GCNT1: variants seen among roughly 807,000 people sequenced by gnomAD.
The protein encoded by GCNT1 is glucosaminyl (N-acetyl) transferase 1, also known as beta-1,3-galactosyl-O-glycosyl-glycoprotein beta-1,6-N-acetylglucosaminyltransferase.
In GCNT1, 16 loss-of-function variants were observed where a neutral mutation model predicts 26.2. The ratio of observed to expected loss-of-function variants is 0.61; its 90% CI spans 0.41 to 0.93. The LOEUF (loss-of-function observed/expected upper bound fraction) is 0.93, where lower values mean the gene tolerates loss of function less well. Among genes scored for constraint, GCNT1 ranks in the 40% least tolerant of loss-of-function variants. The pLI, the probability that GCNT1 is intolerant of heterozygous loss-of-function variation, is 0.00. For synonymous variants in GCNT1, 183 were observed against 190.8 expected, an observed-to-expected ratio of 0.96 and a Z score of 0.34; for missense variants, 477 against 526.7, an observed-to-expected ratio of 0.91 and a Z score of 0.92.
chr9:76,408,037 T>G, the GCNT1 span, among the ~76,000 whole-genome samples: 1 of 152,192 alleles, frequency 6.6e-6, no homozygotes, highest in Non-Finnish European at 1.5e-5. Flanking sequence ...TGGTTTATTC[T>G]TATGGATTTT....
chr9:76,496,523 G>T (rs1824910607), intron 2 of GCNT1, among the ~76,000 whole-genome samples: 1 of 151,918 alleles, frequency 6.6e-6, no homozygotes. Flanking sequence ...AGGTCATTTT[G>T]TCCATCTTCC....
the GCNT1 span, chr9:76,398,695 C>A: frequency 1.0e-5 from 13 of 1,252,568 alleles, no homozygotes; most frequent in Admixed American, 2.0e-4. Context: ...GGGAAACTTT[C>A]ACAATGTCCG....
intron 1 of GCNT1, among the ~76,000 whole-genome samples, chr9:76,422,489 A>G (rs907864192): frequency 6.6e-6 from 1 of 152,196 alleles, no homozygotes; most frequent in Non-Finnish European, 1.5e-5. Context: ...ATATGCATTC[A>G]GTAGAAACCA....
chr9:76,464,672 A>G (rs1457103642), intron 2 of GCNT1, among the ~76,000 whole-genome samples: 1 of 151,472 alleles, frequency 6.6e-6, no homozygotes, highest in African/African-American at 2.4e-5. Context: ...CAGCCTCTCA[A>G]GTAGTTGAGA....
intron 2 of GCNT1, among the ~76,000 whole-genome samples, chr9:76,467,869 C>G (rs1003904457): frequency 2.2e-5 from 3 of 138,308 alleles, no homozygotes; most frequent in African/African-American, 8.0e-5. Context: ...CATTTAAGGT[C>G]AAGAATGCCA....
chr9:76,438,297 C>G (rs977848821), upstream of GCNT1, among the ~76,000 whole-genome samples: 7 of 152,058 alleles, frequency 4.6e-5, no homozygotes. Flanking sequence ...GCTTCCAGGT[C>G]ATAGGTAGAT....
At chr9:76,433,368 T>A (rs1323046872) in intron 1 of GCNT1, among the ~76,000 whole-genome samples, 2 of 152,234 alleles carry the variant, frequency 1.3e-5, no homozygotes, top group African/African-American at 4.8e-5. Flanking sequence ...GTGGAGGAAC[T>A]AAAACAGCTG....
upstream of GCNT1, among the ~76,000 whole-genome samples, chr9:76,416,327 C>T (rs545205742): frequency 8.1e-4 from 123 of 152,328 alleles, no homozygotes; most frequent in Non-Finnish European, 1.5e-3. Flanking sequence ...AGTAAAACCT[C>T]TGCATTCACC....
the GCNT1 span, among the ~76,000 whole-genome samples, chr9:76,398,518 T>C: frequency 2.0e-5 from 3 of 152,242 alleles, no homozygotes; most frequent in African/African-American, 7.2e-5. Flanking sequence ...CAGTTTCTTA[T>C]AAAACTAAAC....
intron 2 of GCNT1, among the ~76,000 whole-genome samples, chr9:76,482,840 G>T (rs527598597): frequency 1.5e-5 from 2 of 134,312 alleles, no homozygotes; most frequent in East Asian, 4.5e-4. Context: ...TGGTAGAGAT[G>T]GGAGTCTCAC....
At position 76,502,502 on chromosome 9, in the gene GCNT1, G is replaced by C. The variant is rs1012960153; in HGVS notation, c.121G>C (p.Val41Leu). 3 of 1,613,748 alleles carry C rather than the reference G, an allele frequency of 1.9e-6. No homozygotes were observed. Among genetic ancestry groups the C allele is most frequent in the Non-Finnish European group, 8.5e-7 (1 of 1,179,776 alleles). The change falls in exon 4 of 4, where the codon GTA (valine) becomes CTA (leucine). Residue 41 changes from valine (V) to leucine (L), a missense_variant. Transcript: ENST00000376730. ...VLRIHQKPEF[V>L]SVRHLELAGE... ...AAGGATTCATCAAAAGCCTGAATTT[G>C]TAAGTGTCAGACACTTGGAGCTTGC...
chr9:76,445,902 C>G (rs1377051429), intron 1 of GCNT1, among the ~76,000 whole-genome samples: 1 of 151,910 alleles, frequency 6.6e-6, no homozygotes, highest in Admixed American at 6.6e-5. Context: ...ATCTCTTAAG[C>G]CCAGAAGTTT....
chr9:76,410,760 T>A, the GCNT1 span, among the ~76,000 whole-genome samples: 1 of 152,314 alleles, frequency 6.6e-6, no homozygotes, highest in South Asian at 2.1e-4. Context: ...CCATTGATGG[T>A]GCTGTTGAGT....
chr9:76,455,345 T>G (rs1823740461), upstream of GCNT1, among the ~76,000 whole-genome samples: 1 of 152,140 alleles, frequency 6.6e-6, no homozygotes, highest in South Asian at 2.1e-4. Flanking sequence ...TTGCCCAGAT[T>G]GATCAGTAGG....
the GCNT1 span, among the ~76,000 whole-genome samples, chr9:76,401,220 A>G: frequency 1.7e-4 from 26 of 152,380 alleles, no homozygotes; most frequent in African/African-American, 6.0e-4. Context: ...TAAAAGCCCA[A>G]TATAGAAAAT....
the GCNT1 span, chr9:76,394,542 A>AGCCCCGCCCATCATG: frequency 6.0e-6 from 1 of 166,778 alleles, no homozygotes; most frequent in African/African-American, 2.4e-5. Context: ...CGGCTTCCGT[A>AGCCCCGCCCATCATG]GCCCCGCCCC....
Position 76,506,142 on chromosome 9 carries a change from T to C in GCNT1, c.*2474T>C, listed in dbSNP as rs1340057688. ...GTTTGAAAAGGAAACCTATGATACA[T>C]GCAGGAGAAGCAAAACCCAAGTGAT... On this transcript the variant is annotated 3_prime_UTR_variant, in exon 4 of 4. Coordinates refer to ENST00000376730, the MANE Select transcript of GCNT1 (RefSeq NM_001490.5). The C allele has an allele frequency of 1.2e-5, 2 of 167,056 alleles. No individual in the cohort carries two copies. Among genetic ancestry groups the C allele is most frequent in the African/African-American group, 2.4e-5 (1 of 41,458 alleles). The allele number at this position is 167,056 out of a possible 1,614,324, so 10.3% of individuals were successfully genotyped here. A position where few individuals can be genotyped will look rare whatever the true frequency, so the allele number is the denominator to read the frequency against.
chr9:76,462,364 G>A (rs984156100), intron 2 of GCNT1, among the ~76,000 whole-genome samples: 13 of 152,146 alleles, frequency 8.5e-5, no homozygotes, highest in South Asian at 2.1e-4. Flanking sequence ...GTGCTGTCAC[G>A]TTTCCTATCT....
chr9:76,407,306 G>T, the GCNT1 span, among the ~76,000 whole-genome samples: 1 of 151,848 alleles, frequency 6.6e-6, no homozygotes, highest in African/African-American at 2.4e-5. Flanking sequence ...TAAAGTCTAT[G>T]TCTAGATTCT....
Sources: gnomAD v4.1 joint callset for allele counts (sites outside exome capture counted in the v4.1 genomes callset) on GRCh38, gnomAD v4.1.1 for gene constraint, MANE v1.5 for transcripts, NCBI Gene and HGNC (gene_info 2026-07-23, HGNC 2026-07-21) for gene names.